Variants in ARMC2 observed in about 807,000 individuals in gnomAD.
ARMC2 encodes the protein armadillo repeat containing 2.
A neutral mutation model predicts 90.3 loss-of-function variants in ARMC2; 67 were observed. The ratio of observed to expected loss-of-function variants is 0.74; its 90% CI spans 0.61 to 0.91. ARMC2 has a LOEUF of 0.91. Ranked by LOEUF, ARMC2 falls within the 40% of genes least tolerant of loss-of-function variation. ARMC2 has a pLI of 0.00. For synonymous variants in ARMC2, 393 were observed against 393.0 expected, an observed-to-expected ratio of 1.00 and a Z score of 0.00; for missense variants, 920 against 1,030.9, an observed-to-expected ratio of 0.89 and a Z score of 1.47.
At chr6:108,960,772 C>T (rs1424794150) in intron 13 of ARMC2, among the ~76,000 whole-genome samples, 4 of 152,268 alleles carry the variant, frequency 2.6e-5, no homozygotes, top group Admixed American at 6.5e-5. Flanking sequence ...ACTGGGAGGA[C>T]AGTATGTTCC....
Position 108,953,288 on chromosome 6 carries a change from C to T in ARMC2, c.1852C>T (p.Pro618Ser), listed in dbSNP as rs746428663. Residue 618 changes from proline to serine, a missense_variant, in exon 13 of 18, where the codon CCG becomes TCG. By Grantham distance (74) the Pro-to-Ser change is moderately conservative. Transcript: ENST00000392644. ...TRVLANIAIHPGVGPVLAANP... is the reference protein window; with the variant it reads ...TRVLANIAIHSGVGPVLAANP... ...TGTGCTGGCCAACATTGCCATCCAC[C>T]CGGGCGTGGGCCCGGTGCTGGCCGC... The T allele has an allele frequency of 1.2e-6, 2 of 1,612,118 alleles. No individual in the cohort carries two copies. The highest frequency in any genetic ancestry group is 1.7e-6 in the Non-Finnish European group (2 of 1,179,846).
At chr6:108,990,080 T>C in the ARMC2 span, among the ~76,000 whole-genome samples, 1 of 152,188 alleles carries the variant, frequency 6.6e-6, no homozygotes, top group Admixed American at 6.5e-5. Flanking sequence ...AATAGTTAAC[T>C]AGTAAGCACT....
At chr6:108,870,706 C>T (rs542381536) in intron 4 of ARMC2, among the ~76,000 whole-genome samples, 8 of 152,136 alleles carry the variant, frequency 5.3e-5, no homozygotes, top group South Asian at 2.1e-4. Context: ...GCTGTGATGC[C>T]ATGACCAAGT....
chr6:108,854,141 T>G, intron 1 of ARMC2, 84 bp from the exon 2 acceptor site: 1 of 668,048 alleles, frequency 1.5e-6, no homozygotes, highest in Non-Finnish European at 2.5e-6. Flanking sequence ...AGAGGAATGA[T>G]TTAGTATATG....
chr6:108,923,973 G>C (rs1386338825), intron 10 of ARMC2: 1 of 152,068 alleles, frequency 6.6e-6, no homozygotes, highest in Non-Finnish European at 1.5e-5. Context: ...TCCAGTAGCT[G>C]AACATTTAAG....
At chr6:108,915,470 T>A (rs560327487) in intron 10 of ARMC2, among the ~76,000 whole-genome samples, 1 of 152,192 alleles carries the variant, frequency 6.6e-6, no homozygotes, top group South Asian at 2.1e-4. Flanking sequence ...GGGGACCTCA[T>A]ATTACAGAAC....
chr6:109,020,631 C>T, the ARMC2 span, among the ~76,000 whole-genome samples: 29,664 of 152,036 alleles, frequency 0.2, 3,523 homozygotes, highest in African/African-American at 0.33. Flanking sequence ...ATATCCTTCT[C>T]CTTGGAGAGA....
the ARMC2 span, among the ~76,000 whole-genome samples, chr6:109,050,653 C>T: frequency 6.6e-6 from 1 of 152,142 alleles, no homozygotes; most frequent in African/African-American, 2.4e-5. Flanking sequence ...CCTCCCATTC[C>T]TAAATCAATA....
rs114615198 is a variant in ARMC2, at chr6:108,916,448, G to A, written c.1350+3890G>A. Among the ~76,000 whole-genome samples, 1,190 of 152,348 alleles carry A rather than the reference G, an allele frequency of 7.8e-3. 15 individuals carry two copies. Among genetic ancestry groups the A allele is most frequent in the African/African-American group, 0.028 (1,162 of 41,572 alleles). ...AAGATGCTCAGAGAAACTGGGTGCT[G>A]CCACCTGTGCATCAAGTCAAAGCGT... On this transcript the variant is annotated intron_variant, in intron 10 of 17. Coordinates refer to ENST00000392644, the MANE Select transcript of ARMC2 (RefSeq NM_032131.6).
chr6:108,998,283 A>T, the ARMC2 span, among the ~76,000 whole-genome samples: 1 of 152,280 alleles, frequency 6.6e-6, no homozygotes, highest in Non-Finnish European at 1.5e-5. Context: ...GTAAACTCCT[A>T]CAGGGTCTTA....
the ARMC2 span, among the ~76,000 whole-genome samples, chr6:109,015,228 T>C: frequency 1.3e-5 from 2 of 152,168 alleles, no homozygotes; most frequent in African/African-American, 4.8e-5. Flanking sequence ...TCAGCTCTGC[T>C]AAGCAATCTG....
rs749902852 is a variant in ARMC2 at position 108,928,250 on chromosome 6, G to A, written c.1496+17G>A. ...AATATTCAGGTAGGTAGACTAAGAC[G>A]TGAAGTAGCCTTACAAAAATGCTAA... On this transcript the variant is annotated intron_variant, in intron 11 of 17. Coordinates refer to ENST00000392644, the MANE Select transcript of ARMC2 (RefSeq NM_032131.6). 1.2e-5 allele frequency: 17 copies of A among 1,452,900 alleles called. 1 individual carries two copies. The highest frequency in any genetic ancestry group is 2.9e-5 in the African/African-American group (2 of 69,614). The allele number at this position is 1,452,900 out of a possible 1,614,324, so 90.0% of individuals were successfully genotyped here.
At chr6:108,909,728 G>A (rs1315915511) in intron 8 of ARMC2, among the ~76,000 whole-genome samples, 1 of 152,022 alleles carries the variant, frequency 6.6e-6, no homozygotes, top group Non-Finnish European at 1.5e-5. Flanking sequence ...TAGAGATGGG[G>A]TTTCACCACG....
At chr6:109,019,190 T>TAC in the ARMC2 span, among the ~76,000 whole-genome samples, 14 of 151,996 alleles carry the variant, frequency 9.2e-5, no homozygotes, top group East Asian at 3.9e-4. Context: ...AAACATTTTT[T>TAC]ACACACACAC....
intron 1 of ARMC2, among the ~76,000 whole-genome samples, chr6:108,849,073 C>A (rs1752213336): frequency 6.6e-6 from 1 of 152,154 alleles, no homozygotes; most frequent in Admixed American, 6.5e-5. Flanking sequence ...CAGAGTCATA[C>A]AGTTTATATC....
At chr6:108,879,633 C>A (rs1777321022) in intron 5 of ARMC2, among the ~76,000 whole-genome samples, 1 of 146,642 alleles carries the variant, frequency 6.8e-6, no homozygotes, top group African/African-American at 2.5e-5. Flanking sequence ...GAATCTCTTT[C>A]AAAGCAGATG....
chr6:108,952,321 C>T (rs926038526), intron 12 of ARMC2, among the ~76,000 whole-genome samples: 2 of 152,160 alleles, frequency 1.3e-5, no homozygotes, highest in Admixed American at 1.3e-4. Flanking sequence ...GAAATATAGC[C>T]TATATACAGA....
At chr6:109,011,268 A>G in the ARMC2 span, among the ~76,000 whole-genome samples, 1 of 152,250 alleles carries the variant, frequency 6.6e-6, no homozygotes, top group African/African-American at 2.4e-5. Context: ...TGCTTGATAA[A>G]TATTTATTGA....
downstream of ARMC2, among the ~76,000 whole-genome samples, chr6:108,975,787 G>A (rs1778973730): frequency 6.6e-6 from 1 of 152,132 alleles, no homozygotes; most frequent in African/African-American, 2.4e-5. Context: ...TTTGTTGGCT[G>A]CATAAATGTC....
Sources: allele counts gnomAD v4.1 joint callset (sites outside exome capture counted in the v4.1 genomes callset), GRCh38; gene constraint gnomAD v4.1.1; transcripts MANE v1.5; gene names NCBI Gene and HGNC (gene_info 2026-07-23, HGNC 2026-07-21).